Variants in SEMA3E observed in about 807,000 individuals in gnomAD.
The protein encoded by SEMA3E is semaphorin 3E, also known as semaphorin-3E.
A neutral mutation model predicts 93.6 loss-of-function variants in SEMA3E; 49 were observed. The ratio of observed to expected loss-of-function variants is 0.52; its 90% CI spans 0.42 to 0.66. The LOEUF (loss-of-function observed/expected upper bound fraction) is 0.66. Ranked by LOEUF, SEMA3E falls within the 30% of genes least tolerant of loss-of-function variation. SEMA3E has a pLI of 0.00. For missense variants in SEMA3E, 906 were observed against 964.8 expected, an observed-to-expected ratio of 0.94 and a Z score of 0.81; for synonymous variants, 363 against 330.7, an observed-to-expected ratio of 1.10 and a Z score of -1.06.
chr7:83,486,835 G>A (rs1027280172), intron 2 of SEMA3E, among the ~76,000 whole-genome samples: 1 of 152,144 alleles, frequency 6.6e-6, no homozygotes, highest in African/African-American at 2.4e-5. Context: ...TAAAGTTTGT[G>A]TTAATTATAT....
intron 4 of SEMA3E, among the ~76,000 whole-genome samples, chr7:83,420,333 T>C (rs1788648520): frequency 6.6e-6 from 1 of 152,122 alleles, no homozygotes; most frequent in African/African-American, 2.4e-5. Context: ...ACACATTCCA[T>C]TCAGATGGAC....
Position 83,642,633 on chromosome 7 carries a change from C to T in SEMA3E, c.115+5795G>A, listed in dbSNP as rs576017617. 7.9e-5 allele frequency among the ~76,000 whole-genome samples: 12 copies of T among 152,024 alleles called. No homozygotes were observed. In the East Asian group the frequency reaches 1.2e-3, roughly 15 times the overall value. ...AACACTGATGTTTTCTCTTATGCCT[C>T]CAATGTTATTTAAGGCTTTACTGTG... On this transcript the variant is annotated intron_variant, in intron 1 of 16. Transcript: ENST00000643230.
At chr7:83,438,370 T>A (rs1271157336) in intron 4 of SEMA3E, among the ~76,000 whole-genome samples, 3 of 152,112 alleles carry the variant, frequency 2.0e-5, no homozygotes, top group Non-Finnish European at 4.4e-5. Context: ...TACACACTAT[T>A]CAAAGCAGGC....
chr7:83,385,721 G>A lies in SEMA3E; in HGVS notation c.1736-288C>T, dbSNP rs561330651. The stretch of plus-strand genomic sequence containing the variant: ...TAAGAAGCATCAGTGTTAAACTCAT[G>A]GAAAGTCTATTGCAACCTCTATTGA... On this transcript the variant is annotated intron_variant, in intron 15 of 16. Transcript: ENST00000643230. Among the ~76,000 whole-genome samples the A allele has an allele frequency of 2.0e-5, 3 of 152,172 alleles. No individual in the cohort carries two copies. In the South Asian group the frequency reaches 6.2e-4, roughly 32 times the overall value.
chr7:83,511,909 A>T (rs1481886323), intron 1 of SEMA3E, among the ~76,000 whole-genome samples: 1 of 152,120 alleles, frequency 6.6e-6, no homozygotes, highest in Non-Finnish European at 1.5e-5. Context: ...ATAAATAAGT[A>T]AAGTAATTAA....
intron 2 of SEMA3E, among the ~76,000 whole-genome samples, chr7:83,476,302 A>G (rs1303877011): frequency 6.6e-6 from 1 of 152,240 alleles, no homozygotes. Flanking sequence ...TAAAACAAGT[A>G]AAATTTTCCA....
chr7:83,615,737 C>G, intron 1 of SEMA3E, among the ~76,000 whole-genome samples: 1 of 152,072 alleles, frequency 6.6e-6, no homozygotes, highest in East Asian at 1.9e-4. Context: ...ACTTCTATTG[C>G]TGTAAGTGAA....
intron 1 of SEMA3E, among the ~76,000 whole-genome samples, chr7:83,608,312 T>C (rs1047490143): frequency 6.6e-6 from 1 of 152,092 alleles, no homozygotes; most frequent in African/African-American, 2.4e-5. Flanking sequence ...GATTATTGCA[T>C]TTGTCCAGTT....
At chr7:83,510,142 C>T (rs1433142712) in intron 1 of SEMA3E, among the ~76,000 whole-genome samples, 6 of 152,076 alleles carry the variant, frequency 3.9e-5, no homozygotes, top group Admixed American at 1.3e-4. Flanking sequence ...GGCCATCAAA[C>T]CATCTAATAA....
At chr7:83,567,873 T>A (rs1792196118) in intron 1 of SEMA3E, among the ~76,000 whole-genome samples, 1 of 150,474 alleles carries the variant, frequency 6.6e-6, no homozygotes, top group Non-Finnish European at 1.5e-5. Context: ...AAACCAAACC[T>A]CAAATTAGAA....
intron 4 of SEMA3E, chr7:83,424,987 T>C (rs1356735323): frequency 8.5e-6 from 2 of 235,804 alleles, no homozygotes; most frequent in Non-Finnish European, 1.8e-5. Context: ...ATGACAAGTA[T>C]AGTGGATCTA....
chr7:83,388,343 C>T (rs935376188), intron 14 of SEMA3E, among the ~76,000 whole-genome samples: 25 of 144,972 alleles, frequency 1.7e-4, no homozygotes, highest in African/African-American at 4.8e-4. Context: ...ATATATATAT[C>T]TTTAAATATA....
rs1170667468 is a variant in SEMA3E at position 83,367,633 on chromosome 7, A to G, written c.2281T>C (p.Ser761Pro). The G allele has an allele frequency of 1.9e-6, 3 of 1,614,146 alleles. No individual in the cohort carries two copies. The South Asian group carries it at 3.3e-5, about 18-fold the overall frequency. The change falls in exon 17 of 17, where the codon TCC becomes CCC. Residue 761 changes from serine (S) to proline (P), a missense_variant. Coordinates refer to ENST00000643230, the MANE Select transcript of SEMA3E (RefSeq NM_012431.3). ...YANPQEKKLR[S>P]KPEHYRLPRH... ...GGCAGGCGGTAATGCTCAGGTTTGGAACGGAGCTTCTTTTCCTGAGGGTTG... is the reference window on the plus strand; with the variant it reads ...GGCAGGCGGTAATGCTCAGGTTTGGGACGGAGCTTCTTTTCCTGAGGGTTG...
chr7:83,454,102 C>A (rs1303719411), intron 4 of SEMA3E, among the ~76,000 whole-genome samples: 1 of 150,408 alleles, frequency 6.6e-6, no homozygotes, highest in Non-Finnish European at 1.5e-5. Flanking sequence ...ACTAAAAATA[C>A]AAAAAATTAG....
chr7:83,415,106 A>T (rs1361604969), intron 5 of SEMA3E, among the ~76,000 whole-genome samples: 1 of 152,254 alleles, frequency 6.6e-6, no homozygotes, highest in African/African-American at 2.4e-5. Context: ...CACTTACCAA[A>T]CTTAATAATT....
At chr7:83,565,918 T>TA (rs1792139102) in intron 1 of SEMA3E, among the ~76,000 whole-genome samples, 2 of 152,184 alleles carry the variant, frequency 1.3e-5, no homozygotes, top group African/African-American at 4.8e-5. Flanking sequence ...TTGTAAATCT[T>TA]ACCATCATTC....
Position 83,418,344 on chromosome 7 carries a change from A to T in SEMA3E, c.550+46T>A, listed in dbSNP as rs543026751. 8 of 1,329,516 alleles carry T rather than the reference A, an allele frequency of 6.0e-6. No individual in the cohort carries two copies. In the South Asian group the frequency reaches 8.6e-5, roughly 14 times the overall value. The allele number at this position is 1,329,516 out of a possible 1,614,324, so 82.4% of individuals were successfully genotyped here. On this transcript the variant is annotated intron_variant, in intron 5 of 16. Coordinates refer to ENST00000643230, the MANE Select transcript of SEMA3E (RefSeq NM_012431.3). Reference sequence around the variant, plus strand: ...TAACTGAAGTTGAAATATATGTTTTAAAATCCTTATGACTACCACCTGATG... The same window carrying T: ...TAACTGAAGTTGAAATATATGTTTTTAAATCCTTATGACTACCACCTGATG...
chr7:83,505,613 G>A (rs76507569), intron 1 of SEMA3E, among the ~76,000 whole-genome samples: 2 of 152,266 alleles, frequency 1.3e-5, no homozygotes, highest in East Asian at 1.9e-4. Flanking sequence ...AAATTGTCCA[G>A]AGGATGCTTT....
intron 1 of SEMA3E, among the ~76,000 whole-genome samples, chr7:83,616,224 G>C (rs1377544084): frequency 6.6e-6 from 1 of 152,138 alleles, no homozygotes; most frequent in African/African-American, 2.4e-5. Context: ...AACTGTGGTA[G>C]TAATTATGGT....
Sources: allele counts gnomAD v4.1 joint callset (sites outside exome capture counted in the v4.1 genomes callset), GRCh38; gene constraint gnomAD v4.1.1; transcripts MANE v1.5; gene names NCBI Gene and HGNC (gene_info 2026-07-23, HGNC 2026-07-21).